NKAIN3: variants seen among roughly 807,000 people sequenced by gnomAD.
NKAIN3 encodes the protein sodium/potassium-transporting ATPase subunit beta-1-interacting protein 3.
NKAIN3 carries 25 observed loss-of-function variants against 30.2 expected under a neutral mutation model. The ratio of observed to expected loss-of-function variants is 0.83; its 90% CI spans 0.60 to 1.16. The LOEUF (loss-of-function observed/expected upper bound fraction) is 1.16, where lower values mean the gene tolerates loss of function less well. NKAIN3 is among the 50% of genes most tolerant of loss of function. NKAIN3 has a pLI of 0.00. For synonymous variants in NKAIN3, 91 were observed against 89.6 expected (o/e 1.02, Z -0.09); for missense variants, 225 against 254.1 (o/e 0.89, Z 0.78).
chr8:62,731,865 A>C (rs558476055), intron 3 of NKAIN3, among the ~76,000 whole-genome samples: 15 of 152,246 alleles, frequency 9.9e-5, no homozygotes, highest in Middle Eastern at 3.4e-3. Context: ...ATTCACTTGC[A>C]CCAAATCTCC....
At chr8:62,867,292 A>G (rs1477507785) in intron 4 of NKAIN3, among the ~76,000 whole-genome samples, 1 of 152,102 alleles carries the variant, frequency 6.6e-6, no homozygotes, top group African/African-American at 2.4e-5. Flanking sequence ...CTCATGTCTC[A>G]ATTTCTTCTT....
At chr8:62,345,502 T>TGTATATATACACATATATGTATATATAC (rs1563942779) in intron 1 of NKAIN3, among the ~76,000 whole-genome samples, 3 of 20,692 alleles carry the variant, frequency 1.4e-4, no homozygotes, top group African/African-American at 3.5e-4. Flanking sequence ...CACACATATA[T>TGTATATATACACATATATGTATATATAC]ACACATATAT....
chr8:62,961,439 G>A (rs907938346), intron 6 of NKAIN3, among the ~76,000 whole-genome samples: 26 of 152,048 alleles, frequency 1.7e-4, no homozygotes, highest in Admixed American at 7.2e-4. Flanking sequence ...TCACCACAAG[G>A]AAGCAATCAG....
At chr8:62,804,318 A>G (rs1420951534) in intron 4 of NKAIN3, among the ~76,000 whole-genome samples, 1 of 152,110 alleles carries the variant, frequency 6.6e-6, no homozygotes, top group Non-Finnish European at 1.5e-5. Flanking sequence ...CAAAAAAGAG[A>G]ATACCAAAGC....
chr8:62,861,739 C>A (rs559305482), intron 4 of NKAIN3, among the ~76,000 whole-genome samples: 1 of 152,168 alleles, frequency 6.6e-6, no homozygotes, highest in Non-Finnish European at 1.5e-5. Flanking sequence ...AAGAAATCTA[C>A]GGAAGGGCTC....
At chr8:62,815,938 T>C (rs1480949209) in intron 4 of NKAIN3, among the ~76,000 whole-genome samples, 3 of 152,216 alleles carry the variant, frequency 2.0e-5, no homozygotes. Flanking sequence ...GATCATAGTT[T>C]TCAAGATTTT....
At chr8:62,858,186 C>T (rs754250976) in intron 4 of NKAIN3, among the ~76,000 whole-genome samples, 12 of 152,132 alleles carry the variant, frequency 7.9e-5, no homozygotes, top group African/African-American at 2.7e-4. Context: ...GTATCACCAC[C>T]GAAGTCTGCG....
intron 1 of NKAIN3, among the ~76,000 whole-genome samples, chr8:62,363,058 A>G (rs987982219): frequency 2.0e-5 from 3 of 152,194 alleles, no homozygotes; most frequent in South Asian, 4.1e-4. Context: ...GGACTCAAAT[A>G]TAGAAGTATG....
chr8:62,338,386 A>G (rs548595883), intron 1 of NKAIN3, among the ~76,000 whole-genome samples: 2 of 152,164 alleles, frequency 1.3e-5, no homozygotes, highest in Non-Finnish European at 2.9e-5. Context: ...TTGAAATGCA[A>G]CAGTGAACAG....
chr8:62,359,824 A>T (rs1816489812), intron 1 of NKAIN3, among the ~76,000 whole-genome samples: 1 of 152,236 alleles, frequency 6.6e-6, no homozygotes, highest in Admixed American at 6.5e-5. Flanking sequence ...AGGCAATGGG[A>T]AACATAGTAT....
chr8:62,536,377 A>G (rs1206570965), intron 1 of NKAIN3, among the ~76,000 whole-genome samples: 2 of 152,184 alleles, frequency 1.3e-5, no homozygotes, highest in Non-Finnish European at 2.9e-5. Context: ...TAGAACAGTT[A>G]TGGAATACCT....
chr8:62,491,424 G>A (rs1414320400), intron 1 of NKAIN3, among the ~76,000 whole-genome samples: 1 of 152,172 alleles, frequency 6.6e-6, no homozygotes, highest in African/African-American at 2.4e-5. Context: ...AAGTAACTGA[G>A]TGTCAGAGCT....
downstream of NKAIN3, among the ~76,000 whole-genome samples, chr8:62,987,416 C>A (rs914456557): frequency 3.3e-5 from 5 of 152,168 alleles, no homozygotes; most frequent in South Asian, 6.2e-4. Flanking sequence ...TAAAGACCTA[C>A]CTGAGACTGG....
intron 1 of NKAIN3, among the ~76,000 whole-genome samples, chr8:62,318,001 T>G (rs1362269657): frequency 6.6e-6 from 1 of 152,236 alleles, no homozygotes; most frequent in Non-Finnish European, 1.5e-5. Flanking sequence ...ACGTCTCTTG[T>G]AAGTTGGATT....
chr8:62,503,634 C>T (rs1015036679), intron 1 of NKAIN3, among the ~76,000 whole-genome samples: 1 of 151,974 alleles, frequency 6.6e-6, no homozygotes, highest in Non-Finnish European at 1.5e-5. Flanking sequence ...GGACCTTCCC[C>T]CAGGAATGCA....
At chr8:62,688,709 C>A (rs1209171212) in intron 3 of NKAIN3, among the ~76,000 whole-genome samples, 1 of 151,230 alleles carries the variant, frequency 6.6e-6, no homozygotes, top group African/African-American at 2.4e-5. Flanking sequence ...TATTTTCAAT[C>A]TCACACATAG....
intron 3 of NKAIN3, among the ~76,000 whole-genome samples, chr8:62,638,339 A>T (rs1269337639): frequency 6.6e-6 from 1 of 152,150 alleles, no homozygotes. Flanking sequence ...AGGGTTTCCT[A>T]ATCTGAGAAG....
chr8:62,867,110 A>AG (rs1299938989), intron 4 of NKAIN3, among the ~76,000 whole-genome samples: 4 of 151,888 alleles, frequency 2.6e-5, no homozygotes, highest in Admixed American at 2.6e-4. Flanking sequence ...AAAAAAAAAA[A>AG]AAAAAGAAAA....
At chr8:62,963,677 C>T (rs1823631991) in intron 6 of NKAIN3, among the ~76,000 whole-genome samples, 1 of 152,070 alleles carries the variant, frequency 6.6e-6, no homozygotes, top group Admixed American at 6.6e-5. Flanking sequence ...TAGTTTAAAT[C>T]CCTGTTAACA....
Sources: allele counts gnomAD v4.1 joint callset (sites outside exome capture counted in the v4.1 genomes callset), GRCh38; gene constraint gnomAD v4.1.1; transcripts MANE v1.5; gene names NCBI Gene and HGNC (gene_info 2026-07-23, HGNC 2026-07-21).